The following MTHFD1L variants were observed in gnomAD, a reference collection of about 807,000 sequenced individuals.
The protein encoded by MTHFD1L is monofunctional C1-tetrahydrofolate synthase, mitochondrial.
MTHFD1L carries 81 observed loss-of-function variants against 119.5 expected under a neutral mutation model. That is an observed-to-expected ratio of 0.68 (90% CI 0.57 to 0.82). The LOEUF is 0.82. MTHFD1L is among the 40% of genes least tolerant of loss of function. The pLI, the probability that MTHFD1L is intolerant of heterozygous loss-of-function variation, is 0.00. For missense variants in MTHFD1L, 1,125 were observed against 1,253.4 expected (o/e 0.90, Z 1.55); for synonymous variants, 430 against 475.2 (o/e 0.90, Z 1.24).
intron 27 of MTHFD1L, among the ~76,000 whole-genome samples, chr6:151,092,810 C>T (rs781683548): frequency 2.0e-5 from 3 of 152,094 alleles, no homozygotes; most frequent in African/African-American, 4.8e-5. Context: ...TAGTGTCCTG[C>T]GCTCGAGTCC....
At chr6:151,044,871 T>C (rs1483685299) in intron 26 of MTHFD1L, among the ~76,000 whole-genome samples, 1 of 152,220 alleles carries the variant, frequency 6.6e-6, no homozygotes, top group African/African-American at 2.4e-5. Flanking sequence ...GTGGGGTTAC[T>C]GGACTGAGGG....
intron 27 of MTHFD1L, chr6:151,100,034 C>CTTTT (rs377326942): frequency 6.3e-6 from 3 of 473,774 alleles, no homozygotes; most frequent in African/African-American, 2.2e-5. Flanking sequence ...TCTTTCTTTT[C>CTTTT]TTTTTTTTTT....
intron 27 of MTHFD1L, among the ~76,000 whole-genome samples, 170 bp downstream of exon 27, chr6:151,092,757 T>C (rs924194122): frequency 6.6e-6 from 1 of 152,092 alleles, no homozygotes; most frequent in Non-Finnish European, 1.5e-5. Context: ...CACTCCTGGG[T>C]GTGGCTGTGA....
chr6:150,949,007 A>G (rs1242583736), intron 15 of MTHFD1L, 24 bp from the exon 16 acceptor site: 1 of 1,582,240 alleles, frequency 6.3e-7, no homozygotes, highest in African/African-American at 1.3e-5. Flanking sequence ...CAAACTTCTC[A>G]CCTTTTTTCT....
chr6:150,870,485 A>G (rs548284505), intron 1 of MTHFD1L, among the ~76,000 whole-genome samples: 2 of 152,340 alleles, frequency 1.3e-5, no homozygotes, highest in South Asian at 4.1e-4. Context: ...GTTCAGTTGC[A>G]GACCACTGCA....
intron 16 of MTHFD1L, among the ~76,000 whole-genome samples, chr6:150,950,365 C>A (rs1327714122): frequency 6.6e-6 from 1 of 152,190 alleles, no homozygotes; most frequent in East Asian, 1.9e-4. Flanking sequence ...AGGTCTCGTC[C>A]CTTCAGGGAG....
At chr6:150,981,626 A>C (rs987205595) in intron 20 of MTHFD1L, among the ~76,000 whole-genome samples, 8 of 152,226 alleles carry the variant, frequency 5.3e-5, no homozygotes, top group African/African-American at 2.4e-5. Flanking sequence ...CTCTGTCCCA[A>C]GTACTCAATT....
intron 20 of MTHFD1L, among the ~76,000 whole-genome samples, chr6:150,986,858 T>A (rs528780130): frequency 1.3e-5 from 2 of 152,116 alleles, no homozygotes; most frequent in Non-Finnish European, 2.9e-5. Flanking sequence ...GCATCTACCA[T>A]GCCCAGTTAA....
intron 10 of MTHFD1L, among the ~76,000 whole-genome samples, chr6:150,924,978 T>C (rs973932096): frequency 2.0e-5 from 3 of 152,146 alleles, no homozygotes; most frequent in South Asian, 2.1e-4. Context: ...TGGTGCCCTT[T>C]GGAGAAGTCT....
intron 26 of MTHFD1L, chr6:151,055,903 T>C (rs1371400976): frequency 6.6e-6 from 1 of 152,212 alleles, no homozygotes; most frequent in Non-Finnish European, 1.5e-5. Flanking sequence ...AACTGTATAA[T>C]AGGAAAGGGT....
intron 7 of MTHFD1L, among the ~76,000 whole-genome samples, chr6:150,889,003 C>T (rs887618861): frequency 2.6e-5 from 4 of 151,960 alleles, no homozygotes; most frequent in Non-Finnish European, 5.9e-5. Context: ...GGTGAAACAC[C>T]GTCTCTACTA....
At chr6:151,003,897 C>T (rs1047699204) in intron 20 of MTHFD1L, among the ~76,000 whole-genome samples, 2 of 150,698 alleles carry the variant, frequency 1.3e-5, no homozygotes, top group South Asian at 4.2e-4. Context: ...GCCTGGTGCA[C>T]AGGAGAAAGT....
At chr6:150,912,315 A>T (rs1451925948) in intron 8 of MTHFD1L, among the ~76,000 whole-genome samples, 1 of 151,162 alleles carries the variant, frequency 6.6e-6, no homozygotes, top group Non-Finnish European at 1.5e-5. Flanking sequence ...TTTTTTTTCA[A>T]GTTCTACCTG....
intron 20 of MTHFD1L, among the ~76,000 whole-genome samples, chr6:150,989,356 A>G (rs1319903753): frequency 6.6e-6 from 1 of 152,224 alleles, no homozygotes; most frequent in East Asian, 1.9e-4. Flanking sequence ...CATCCAGTAT[A>G]TAAGGAACAC....
chr6:151,072,718 GACAGAGGTTGCAGTGA>G (rs1468009104), intron 26 of MTHFD1L, among the ~76,000 whole-genome samples: 5 of 152,240 alleles, frequency 3.3e-5, no homozygotes, highest in Admixed American at 3.3e-4. Flanking sequence ...GAACCCAGGG[GACAGAGGTTGCAGTGA>G]ACAGAGGTTG....
At chr6:151,003,388 C>T (rs530358684) in intron 20 of MTHFD1L, among the ~76,000 whole-genome samples, 24 of 152,146 alleles carry the variant, frequency 1.6e-4, no homozygotes, top group African/African-American at 3.6e-4. Flanking sequence ...AAAAATTAGC[C>T]GAGCGTGGTG....
chr6:150,878,438 G>C (rs1031250619), intron 4 of MTHFD1L, among the ~76,000 whole-genome samples: 1 of 152,110 alleles, frequency 6.6e-6, no homozygotes, highest in Non-Finnish European at 1.5e-5. Context: ...CTTTAGTAGA[G>C]ATGGGGTTTC....
chr6:151,052,275 C>T (rs915497405), intron 26 of MTHFD1L, among the ~76,000 whole-genome samples: 1 of 152,166 alleles, frequency 6.6e-6, no homozygotes, highest in Non-Finnish European at 1.5e-5. Context: ...GAGTTGTTTA[C>T]ATTGGGAGTG....
chr6:150,951,940 T>C (rs946922590), intron 16 of MTHFD1L, among the ~76,000 whole-genome samples: 8 of 152,198 alleles, frequency 5.3e-5, no homozygotes, highest in Non-Finnish European at 7.3e-5. Flanking sequence ...TTTATGCCAA[T>C]TGGTATTCTT....
Sources: allele counts gnomAD v4.1 joint callset (sites outside exome capture counted in the v4.1 genomes callset), GRCh38; gene constraint gnomAD v4.1.1; transcripts MANE v1.5; gene names NCBI Gene and HGNC (gene_info 2026-07-23, HGNC 2026-07-21).